Variants in ANKRD17 observed in about 807,000 individuals in gnomAD.
ANKRD17 encodes the protein ankyrin repeat domain 17.
In ANKRD17, 19 loss-of-function variants were observed where a neutral mutation model predicts 229.7. The ratio of observed to expected loss-of-function variants is 0.08; its 90% confidence interval spans 0.06 to 0.12. The LOEUF is 0.12. Ranked by LOEUF, ANKRD17 falls within the 10% of genes least tolerant of loss-of-function variation. The pLI is 1.00. For missense variants in ANKRD17, 2,176 were observed against 3,176.8 expected, an observed-to-expected ratio of 0.68 and a Z score of 7.57; for synonymous variants, 1,112 against 1,146.1, an observed-to-expected ratio of 0.97 and a Z score of 0.60.
At chr4:73,191,291 GGA>G (rs2149064036) in intron 1 of ANKRD17, among the ~76,000 whole-genome samples, 1 of 148,314 alleles carries the variant, frequency 6.7e-6, no homozygotes, top group South Asian at 2.2e-4. Flanking sequence ...AACTATTTTG[GGA>G]GAACAGCTAT....
At chr4:73,243,821 G>A (rs1266351257) in intron 1 of ANKRD17, among the ~76,000 whole-genome samples, 2 of 152,210 alleles carry the variant, frequency 1.3e-5, no homozygotes, top group African/African-American at 2.4e-5. Flanking sequence ...GGAAAATGAC[G>A]TTGGCAACTT....
At chr4:73,245,998 T>C (rs1010779656) in intron 1 of ANKRD17, among the ~76,000 whole-genome samples, 1 of 152,142 alleles carries the variant, frequency 6.6e-6, no homozygotes. Flanking sequence ...TACCAACAGG[T>C]AGGGGGCTAC....
At chr4:73,113,173 TA>T in intron 24 of ANKRD17, 1 of 1,273,222 alleles carries the variant, frequency 7.9e-7, no homozygotes, top group African/African-American at 1.5e-5. Flanking sequence ...ACTATTCAGT[TA>T]AGTTCTAGAG....
At chr4:73,188,335 C>T (rs1260392161) in intron 1 of ANKRD17, among the ~76,000 whole-genome samples, 3 of 151,974 alleles carry the variant, frequency 2.0e-5, no homozygotes, top group Non-Finnish European at 2.9e-5. Flanking sequence ...ACCTGTAATC[C>T]CAGCATTTTG....
Position 73,232,453 on chromosome 4 carries a change from TAA to T in ANKRD17, c.393+25821_393+25822del, listed in dbSNP as rs553117302. The stretch of plus-strand genomic sequence containing the variant: ...TTTTTCACAATAAACATTTGTTTTT[TAA>T]AAAGAGTTTCCTGTCAAATTTCATG... On this transcript the variant is annotated intron_variant, in intron 1 of 33. Coordinates refer to ENST00000358602, the MANE Select transcript of ANKRD17 (RefSeq NM_032217.5). Among the ~76,000 whole-genome samples the T allele has an allele frequency of 8.9e-3, 1,350 of 152,322 alleles. 5 individuals carry two copies. Among genetic ancestry groups the T allele is most frequent in the Non-Finnish European group, 0.013 (880 of 68,022 alleles).
chr4:73,179,762 G>C (rs919164439), intron 1 of ANKRD17, among the ~76,000 whole-genome samples: 1 of 151,372 alleles, frequency 6.6e-6, no homozygotes, highest in Non-Finnish European at 1.5e-5. Context: ...ACCAGGCCTG[G>C]CTAATTTTAA....
intron 31 of ANKRD17, 147 bp from the exon 32 acceptor site, chr4:73,077,680 G>A: frequency 2.9e-6 from 2 of 694,344 alleles, no homozygotes; most frequent in Non-Finnish European, 4.3e-6. Context: ...ATATTTCCAT[G>A]GTTTGTAAGT....
chr4:73,122,298 A>G (rs1726845160), intron 18 of ANKRD17, among the ~76,000 whole-genome samples: 1 of 152,124 alleles, frequency 6.6e-6, no homozygotes, highest in Admixed American at 6.5e-5. Flanking sequence ...GTTTTGTAAG[A>G]AATTGCCAGG....
chr4:73,258,771 CGCCGCCACCGCCTCGGTCACCTCTACT>C lies in ANKRD17; in HGVS notation c.-130_-104del, dbSNP rs1048040416. On this transcript the variant is annotated 5_prime_UTR_variant, in exon 1 of 34. Transcript: ENST00000358602. ...CCGACACAGCAATCGGTGCCGCCTC[CGCCGCCACCGCCTCGGTCACCTCTACT>C]GCCGCCGCCGCCGCCGCCGCTCCGC... 2.2e-6 allele frequency: 3 copies of C among 1,347,210 alleles called. No homozygotes were observed. The highest frequency in any genetic ancestry group is 2.8e-6 in the Non-Finnish European group (3 of 1,058,064). The allele number at this position is 1,347,210 out of a possible 1,614,324, so 83.5% of individuals were successfully genotyped here. A position where few individuals can be genotyped will look rare whatever the true frequency, so the allele number is the denominator to read the frequency against.
intron 16 of ANKRD17, 107 bp downstream of exon 16, chr4:73,135,010 G>T: frequency 1.8e-6 from 2 of 1,134,790 alleles, no homozygotes; most frequent in South Asian, 1.9e-5. Flanking sequence ...TCAAGACTTT[G>T]CCTAGAGACA....
At chr4:73,121,518 A>T in intron 19 of ANKRD17, 99 bp downstream of exon 19, 1 of 1,398,432 alleles carries the variant, frequency 7.2e-7, no homozygotes, top group Non-Finnish European at 1.0e-6. Flanking sequence ...ATTTGTAATA[A>T]AGGGATTTAC....
intron 1 of ANKRD17, among the ~76,000 whole-genome samples, chr4:73,189,321 T>C (rs1458854089): frequency 6.6e-6 from 1 of 152,052 alleles, no homozygotes; most frequent in African/African-American, 2.4e-5. Context: ...TCCTTTCTTT[T>C]TTCTGTTTCT....
At chr4:73,121,227 TAGTA>T in intron 19 of ANKRD17, 133 bp from the exon 20 acceptor site, 1 of 826,318 alleles carries the variant, frequency 1.2e-6, no homozygotes, top group Non-Finnish European at 1.9e-6. Context: ...TTCTCAACCT[TAGTA>T]AGTCTCTGAG....
At chr4:73,154,148 A>C (rs1479421637) in intron 5 of ANKRD17, 35 bp from the exon 6 acceptor site, 1 of 1,425,144 alleles carries the variant, frequency 7.0e-7, no homozygotes, top group Non-Finnish European at 9.4e-7. Flanking sequence ...AGACATTAAC[A>C]TAAAATACCA....
chr4:73,228,426 CTTTA>C (rs1461629386), intron 1 of ANKRD17, among the ~76,000 whole-genome samples: 1 of 152,010 alleles, frequency 6.6e-6, no homozygotes, highest in Non-Finnish European at 1.5e-5. Flanking sequence ...TTATTTTCTT[CTTTA>C]TTAACTATGA....
At chr4:73,087,961 AAAAGG>A (rs1209887667) in intron 29 of ANKRD17, among the ~76,000 whole-genome samples, 1 of 151,936 alleles carries the variant, frequency 6.6e-6, no homozygotes, top group Non-Finnish European at 1.5e-5. Flanking sequence ...GAGAGGAAAA[AAAAGG>A]AGGGAAGAAG....
At chr4:73,138,947 A>G (rs1184023588) in intron 15 of ANKRD17, among the ~76,000 whole-genome samples, 1 of 152,168 alleles carries the variant, frequency 6.6e-6, no homozygotes, top group African/African-American at 2.4e-5. Flanking sequence ...TGATACAGTT[A>G]GAAAGAGACT....
chr4:73,084,766 T>C (rs1721946223), intron 30 of ANKRD17, among the ~76,000 whole-genome samples: 1 of 152,116 alleles, frequency 6.6e-6, no homozygotes, highest in African/African-American at 2.4e-5. Flanking sequence ...GATTTAAAGG[T>C]GGACTAAAAG....
intron 16 of ANKRD17, among the ~76,000 whole-genome samples, chr4:73,129,864 G>A (rs964514540): frequency 1.3e-5 from 2 of 150,392 alleles, no homozygotes; most frequent in African/African-American, 2.5e-5. Context: ...CCAGGTTTGC[G>A]CCATTCTCCT....
Sources: gnomAD v4.1 joint callset for allele counts (sites outside exome capture counted in the v4.1 genomes callset) on GRCh38, gnomAD v4.1.1 for gene constraint, MANE v1.5 for transcripts, NCBI Gene and HGNC (gene_info 2026-07-23, HGNC 2026-07-21) for gene names.